Variants in TMEM87B observed in about 807,000 individuals in gnomAD.
TMEM87B encodes transmembrane protein 87B.
In TMEM87B, 83 loss-of-function variants were observed where a neutral mutation model predicts 80.3. The ratio of observed to expected loss-of-function variants is 1.03; its 90% CI spans 0.87 to 1.24. The LOEUF is 1.24. Among genes scored for constraint, TMEM87B ranks in the 50% most tolerant of loss-of-function variants. The probability of loss-of-function intolerance (pLI) is 0.00; values close to 1 mark genes in which losing one functional copy is unlikely to be tolerated. For missense variants in TMEM87B, 625 were observed against 674.4 expected (o/e 0.93, Z 0.81); for synonymous variants, 219 against 230.5 (o/e 0.95, Z 0.45).
chr2:112,068,327 T>C (rs551335043), intron 4 of TMEM87B, among the ~76,000 whole-genome samples: 6 of 152,352 alleles, frequency 3.9e-5, no homozygotes, highest in South Asian at 2.1e-4. Context: ...TGAAAGTCTT[T>C]AGTAAAAGTT....
intron 8 of TMEM87B, among the ~76,000 whole-genome samples, chr2:112,084,038 A>T (rs962654877): frequency 6.6e-5 from 10 of 152,208 alleles, no homozygotes; most frequent in Non-Finnish European, 1.3e-4. Flanking sequence ...AAAAGAATTT[A>T]AAAATTGAAG....
chr2:112,092,023 G>C (rs546105891), intron 11 of TMEM87B, among the ~76,000 whole-genome samples: 114 of 152,292 alleles, frequency 7.5e-4, no homozygotes, highest in African/African-American at 2.5e-3. Flanking sequence ...CGAGGCATGG[G>C]TGAAAAAGAT....
chr2:112,063,758 C>T (rs568561442), intron 2 of TMEM87B, among the ~76,000 whole-genome samples: 2 of 152,188 alleles, frequency 1.3e-5, no homozygotes, highest in Non-Finnish European at 2.9e-5. Flanking sequence ...AAACTCACTC[C>T]TCCAGTACCT....
At chr2:112,087,910 T>G (rs1163702961) in intron 9 of TMEM87B, among the ~76,000 whole-genome samples, 1 of 152,208 alleles carries the variant, frequency 6.6e-6, no homozygotes, top group Non-Finnish European at 1.5e-5. Context: ...TGAGCAGCTT[T>G]AAGGAGTGCC....
chr2:112,069,685 C>A (rs1207848881), intron 4 of TMEM87B, among the ~76,000 whole-genome samples: 1 of 152,136 alleles, frequency 6.6e-6, no homozygotes, highest in East Asian at 1.9e-4. Context: ...ATATAATATA[C>A]CCAGTAATGG....
In TMEM87B at chr2:112,077,218, T is replaced by C. The variant is rs763184837; in HGVS notation, c.528T>C (p.Asp176=). ...SMDVVARTQK[D]GFHIFIVSIK... ...ATGTTGTAGCCAGAACACAAAAAGA[T>C]GGGTTTCATATCTTTATTGTTTCTA... Residue 176 remains aspartate (D), a synonymous_variant, in exon 6 of 19, where the codon GAT becomes GAC. Transcript: ENST00000283206. 6.3e-7 allele frequency: 1 copy of C among 1,592,376 alleles called. No individual in the cohort carries two copies. The highest frequency in any genetic ancestry group is 8.5e-7 in the Non-Finnish European group (1 of 1,171,288).
chr2:112,060,133 G>A, intron 2 of TMEM87B, 96 bp downstream of exon 2: 1 of 1,322,130 alleles, frequency 7.6e-7, no homozygotes, highest in Non-Finnish European at 9.9e-7. Context: ...GGATCACAAG[G>A]TCGGGAGTTC....
intron 1 of TMEM87B, among the ~76,000 whole-genome samples, chr2:112,057,848 A>G (rs1678127513): frequency 3.0e-5 from 4 of 133,350 alleles, no homozygotes; most frequent in Admixed American, 2.3e-4. Flanking sequence ...TTTTTTTGAG[A>G]CGAAGTTTCG....
intron 4 of TMEM87B, among the ~76,000 whole-genome samples, chr2:112,069,213 A>AAC (rs1041178287): frequency 6.6e-6 from 1 of 151,608 alleles, no homozygotes; most frequent in African/African-American, 2.4e-5. Context: ...AAAAAAAAAA[A>AAC]AAAAAAAACT....
At chr2:112,061,089 A>G (rs918277358) in intron 2 of TMEM87B, among the ~76,000 whole-genome samples, 1 of 152,248 alleles carries the variant, frequency 6.6e-6, no homozygotes, top group African/African-American at 2.4e-5. Context: ...ATTGCTGGAC[A>G]ACATTTTAAT....
intron 1 of TMEM87B, among the ~76,000 whole-genome samples, chr2:112,056,686 G>T (rs963198646): frequency 1.3e-5 from 2 of 152,122 alleles, no homozygotes; most frequent in African/African-American, 4.8e-5. Flanking sequence ...ACCAGAAAAA[G>T]AAAGTAGTTC....
In TMEM87B at chr2:112,100,656, GATGA is replaced by G; in HGVS notation, c.1413_1416del (p.Asp471GlufsTer7). Reference sequence around the variant, plus strand: ...CATGCCCTTAATAGATGATTCTGATGATGAAATTGAGGAATTCATGGTAACTTCT... The same window carrying G: ...CATGCCCTTAATAGATGATTCTGATGAATTGAGGAATTCATGGTAACTTCT... On this transcript the variant is annotated frameshift_variant, in exon 15 of 19. Transcript: ENST00000283206. LOFTEE classifies it high-confidence loss of function. The G allele has an allele frequency of 6.2e-7, 1 of 1,610,002 alleles. No individual in the cohort carries two copies. Among genetic ancestry groups the G allele is most frequent in the Non-Finnish European group, 8.5e-7 (1 of 1,177,454 alleles).
intron 4 of TMEM87B, among the ~76,000 whole-genome samples, chr2:112,068,124 G>C (rs1387121988): frequency 6.6e-6 from 1 of 152,166 alleles, no homozygotes; most frequent in African/African-American, 2.4e-5. Context: ...TGAGGCAGGA[G>C]AATCACTTGA....
chr2:112,111,860 C>A (rs1679926462), intron 17 of TMEM87B, among the ~76,000 whole-genome samples: 1 of 152,174 alleles, frequency 6.6e-6, no homozygotes, highest in Non-Finnish European at 1.5e-5. Context: ...CTCTTTAATG[C>A]ACTGAATCGT....
intron 4 of TMEM87B, among the ~76,000 whole-genome samples, chr2:112,071,320 GCCA>G: frequency 1.9e-5 from 1 of 51,532 alleles, no homozygotes; most frequent in East Asian, 7.9e-4. Context: ...CCCCGCCGCC[GCCA>G]CCACTGCCCA....
chr2:112,063,627 C>A (rs1678324664), intron 2 of TMEM87B, among the ~76,000 whole-genome samples: 1 of 152,208 alleles, frequency 6.6e-6, no homozygotes, highest in South Asian at 2.1e-4. Flanking sequence ...GTCTCCTCCT[C>A]CAGCAAGCTT....
At chr2:112,066,527 T>A (rs2104458841) in intron 3 of TMEM87B, among the ~76,000 whole-genome samples, 1 of 152,360 alleles carries the variant, frequency 6.6e-6, no homozygotes, top group South Asian at 2.1e-4. Flanking sequence ...CAGCTACCTT[T>A]GCTGTATCTT....
chr2:112,107,682 A>T, intron 16 of TMEM87B, 106 bp from the exon 17 acceptor site: 1 of 525,486 alleles, frequency 1.9e-6, no homozygotes, highest in Non-Finnish European at 3.1e-6. Context: ...AACTAAAAGA[A>T]TGTCAAATAT....
chr2:112,073,537 T>C (rs1158214041), intron 4 of TMEM87B, among the ~76,000 whole-genome samples: 2 of 152,230 alleles, frequency 1.3e-5, no homozygotes, highest in East Asian at 3.8e-4. Context: ...GATTTTAGAG[T>C]ATGTGCCATG....
Sources: gnomAD v4.1 joint callset for allele counts (sites outside exome capture counted in the v4.1 genomes callset) on GRCh38, gnomAD v4.1.1 for gene constraint, MANE v1.5 for transcripts, NCBI Gene and HGNC (gene_info 2026-07-23, HGNC 2026-07-21) for gene names.